The following RANBP2 variants were observed in gnomAD, a reference collection of about 807,000 sequenced individuals.
RANBP2 encodes RAN binding protein 2.
Under a neutral mutation model 303.6 loss-of-function variants are expected in RANBP2, and 57 were observed. The ratio of observed to expected loss-of-function variants is 0.19; its 90% CI spans 0.15 to 0.23. The LOEUF is 0.23. RANBP2 is among the 10% of genes least tolerant of loss of function. The pLI is 1.00. For synonymous variants in RANBP2, 1,167 were observed against 1,301.5 expected, an observed-to-expected ratio of 0.90 and a Z score of 2.23; for missense variants, 3,138 against 3,780.8, an observed-to-expected ratio of 0.83 and a Z score of 4.46.
the RANBP2 span, among the ~76,000 whole-genome samples, chr2:109,268,684 A>C: frequency 6.6e-6 from 1 of 151,680 alleles, no homozygotes; most frequent in Non-Finnish European, 1.5e-5. Context: ...CAATCACTCT[A>C]TTTTTCACTT....
chr2:109,245,704 A>G, the RANBP2 span, among the ~76,000 whole-genome samples: 3 of 152,212 alleles, frequency 2.0e-5, no homozygotes, highest in African/African-American at 7.2e-5. Context: ...GAAATTGGCC[A>G]CAATAAATAT....
the RANBP2 span, among the ~76,000 whole-genome samples, chr2:109,466,152 T>C: frequency 1.4e-5 from 2 of 138,116 alleles, no homozygotes; most frequent in African/African-American, 5.3e-5. Flanking sequence ...CTATCTCGGC[T>C]CACTGCTGCA....
the RANBP2 span, chr2:108,896,860 G>T: frequency 6.4e-7 from 1 of 1,574,006 alleles, no homozygotes; most frequent in Non-Finnish European, 8.7e-7. Flanking sequence ...CAGAGCCCTC[G>T]TTGGCTCCTT....
chr2:108,865,620 T>G, the RANBP2 span, among the ~76,000 whole-genome samples: 1 of 152,196 alleles, frequency 6.6e-6, no homozygotes, highest in Non-Finnish European at 1.5e-5. Flanking sequence ...TCCACTTTCT[T>G]TGTTCTTAAT....
At chr2:109,471,783 C>T in the RANBP2 span, among the ~76,000 whole-genome samples, 14 of 152,202 alleles carry the variant, frequency 9.2e-5, no homozygotes, top group Non-Finnish European at 1.5e-5. Flanking sequence ...TAGACTAATG[C>T]ACAGTCCTGG....
chr2:109,142,190 G>A, the RANBP2 span, among the ~76,000 whole-genome samples: 8 of 152,274 alleles, frequency 5.3e-5, no homozygotes, highest in East Asian at 1.2e-3. Flanking sequence ...AGCCCCCTGG[G>A]CGGACTCTTG....
the RANBP2 span, among the ~76,000 whole-genome samples, chr2:109,718,975 A>C: frequency 7.2e-6 from 1 of 138,094 alleles, no homozygotes; most frequent in Non-Finnish European, 1.5e-5. Context: ...GTGCCACTGC[A>C]TTCCAGCCTG....
chr2:109,020,507 A>G, the RANBP2 span, among the ~76,000 whole-genome samples: 2 of 152,222 alleles, frequency 1.3e-5, no homozygotes, highest in South Asian at 2.1e-4. Context: ...CAACGTGAAC[A>G]ATGGTTACTT....
intron 7 of RANBP2, among the ~76,000 whole-genome samples, chr2:108,744,660 A>G (rs1334776965): frequency 6.6e-6 from 1 of 152,250 alleles, no homozygotes; most frequent in Non-Finnish European, 1.5e-5. Flanking sequence ...GGCAATATGA[A>G]TATTTCTAAA....
At chr2:109,162,380 G>A in the RANBP2 span, among the ~76,000 whole-genome samples, 2 of 151,962 alleles carry the variant, frequency 1.3e-5, no homozygotes. Flanking sequence ...CCCTCTTAGG[G>A]CTCCTCAACC....
At chr2:109,075,439 T>A in the RANBP2 span, among the ~76,000 whole-genome samples, 1 of 150,522 alleles carries the variant, frequency 6.6e-6, no homozygotes, top group Non-Finnish European at 1.5e-5. Flanking sequence ...TTGGCCAGGC[T>A]GGTCTCGAAC....
At chr2:108,965,641 C>T in the RANBP2 span, among the ~76,000 whole-genome samples, 1 of 151,856 alleles carries the variant, frequency 6.6e-6, no homozygotes, top group African/African-American at 2.4e-5. Context: ...GTCTGTATGC[C>T]TCCTTCCTTC....
the RANBP2 span, among the ~76,000 whole-genome samples, chr2:109,473,189 G>A: frequency 6.6e-6 from 1 of 152,044 alleles, no homozygotes; most frequent in East Asian, 1.9e-4. Flanking sequence ...CCAGGGAAGC[G>A]GCTTCCTGCC....
the RANBP2 span, among the ~76,000 whole-genome samples, chr2:109,541,246 CCTAA>C: frequency 3.3e-5 from 5 of 152,316 alleles, no homozygotes; most frequent in South Asian, 6.2e-4. Flanking sequence ...TTACCCCATT[CCTAA>C]CTTTCATGCC....
intron 9 of RANBP2, among the ~76,000 whole-genome samples, chr2:108,750,175 T>A (rs1724198): frequency 0.26 from 39,316 of 152,232 alleles, 5,440 homozygotes; most frequent in African/African-American, 0.35. Context: ...ATTATAGGCA[T>A]GAGCCACTGC....
chr2:109,694,406 C>CTTT, the RANBP2 span, among the ~76,000 whole-genome samples: 148 of 137,902 alleles, frequency 1.1e-3, 3 homozygotes, highest in Middle Eastern at 3.8e-3. Context: ...AACTAAACCT[C>CTTT]TTTTTTTTTT....
At chr2:109,041,353 A>G in the RANBP2 span, among the ~76,000 whole-genome samples, 4 of 152,156 alleles carry the variant, frequency 2.6e-5, no homozygotes, top group Non-Finnish European at 5.9e-5. Context: ...AGGGACACTG[A>G]TAGACAACAT....
the RANBP2 span, among the ~76,000 whole-genome samples, chr2:109,185,580 C>T: frequency 2.0e-5 from 3 of 152,106 alleles, no homozygotes; most frequent in Non-Finnish European, 4.4e-5. Context: ...TTTGGCCAGG[C>T]GTTGGTTTTC....
chr2:108,759,441 G>T (rs1676565064), intron 18 of RANBP2, among the ~76,000 whole-genome samples: 1 of 152,080 alleles, frequency 6.6e-6, no homozygotes. Context: ...TAACAAAATT[G>T]TTCCTTTTAC....
Sources: allele counts gnomAD v4.1 joint callset (sites outside exome capture counted in the v4.1 genomes callset), GRCh38; gene constraint gnomAD v4.1.1; transcripts MANE v1.5; gene names NCBI Gene and HGNC (gene_info 2026-07-23, HGNC 2026-07-21).